NALCN: variants seen among roughly 807,000 people sequenced by gnomAD.
NALCN encodes sodium leak channel, non-selective, also known as sodium leak channel NALCN.
In NALCN, 111 loss-of-function variants were observed where a neutral mutation model predicts 225.3. The ratio of observed to expected loss-of-function variants is 0.49; its 90% confidence interval spans 0.42 to 0.58. NALCN has a LOEUF of 0.58. Among genes scored for constraint, NALCN ranks in the 20% least tolerant of loss-of-function variants. NALCN has a pLI of 0.00. For synonymous variants in NALCN, 764 were observed against 769.0 expected, an observed-to-expected ratio of 0.99 and a Z score of 0.11; for missense variants, 1,378 against 2,202.4, an observed-to-expected ratio of 0.63 and a Z score of 7.49.
intron 14 of NALCN, chr13:101,181,140 C>G (rs983653648): frequency 7.7e-6 from 4 of 518,832 alleles, no homozygotes; most frequent in Non-Finnish European, 1.5e-5. Context: ...GGATGCTCTC[C>G]CAAGCCACGC....
Position 101,122,244 on chromosome 13 carries a change from C to A in NALCN, c.2192+2364G>T, listed in dbSNP as rs564471882. The stretch of plus-strand genomic sequence containing the variant: ...GCATAGAAGCAATGAAGAAACCATT[C>A]GCACAGAAGAAAAAACAAAATGGCT... On this transcript the variant is annotated intron_variant, in intron 18 of 43. Transcript: ENST00000251127. 2.0e-5 allele frequency among the ~76,000 whole-genome samples: 3 copies of A among 152,184 alleles called. No individual in the cohort carries two copies. The East Asian group carries it at 5.8e-4, about 29-fold the overall frequency.
At chr13:101,171,622 G>A (rs1206976995) in intron 15 of NALCN, among the ~76,000 whole-genome samples, 2 of 152,072 alleles carry the variant, frequency 1.3e-5, no homozygotes, top group Admixed American at 6.6e-5. Context: ...GGCAATAGAG[G>A]AATTTCATAT....
chr13:101,247,435 A>G (rs2041930362), intron 11 of NALCN, among the ~76,000 whole-genome samples: 1 of 152,154 alleles, frequency 6.6e-6, no homozygotes, highest in Admixed American at 6.5e-5. Flanking sequence ...CAATATCCCT[A>G]AGAAAGTAGA....
chr13:101,088,521 G>T (rs542046697), intron 30 of NALCN, among the ~76,000 whole-genome samples: 1 of 152,272 alleles, frequency 6.6e-6, no homozygotes, highest in East Asian at 1.9e-4. Flanking sequence ...TTCTGGCCCT[G>T]TTTATCACAC....
chr13:101,276,193 G>C (rs1034843533), intron 10 of NALCN, among the ~76,000 whole-genome samples: 1 of 151,908 alleles, frequency 6.6e-6, no homozygotes, highest in African/African-American at 2.4e-5. Flanking sequence ...GGATGGGAGG[G>C]GGTTTTTCAG....
intron 7 of NALCN, among the ~76,000 whole-genome samples, chr13:101,311,362 T>G (rs2044338454): frequency 6.6e-6 from 1 of 151,770 alleles, no homozygotes; most frequent in Admixed American, 6.6e-5. Context: ...TTCCTTCTCC[T>G]GCCTAATTGC....
chr13:101,288,829 G>A (rs1406631151), intron 9 of NALCN, among the ~76,000 whole-genome samples: 4 of 152,218 alleles, frequency 2.6e-5, no homozygotes, highest in Non-Finnish European at 5.9e-5. Context: ...GTAGCCTTGT[G>A]TGGCTCTAAA....
chr13:101,244,174 C>CA (rs11453883), intron 11 of NALCN, among the ~76,000 whole-genome samples: 75,577 of 146,900 alleles, frequency 0.51, 19,436 homozygotes, highest in Non-Finnish European at 0.54. Flanking sequence ...ATTTTCATTC[C>CA]AAAAAAAAAG....
chr13:101,079,859 C>T (rs917170008), intron 34 of NALCN, among the ~76,000 whole-genome samples: 1 of 152,158 alleles, frequency 6.6e-6, no homozygotes, highest in African/African-American at 2.4e-5. Context: ...TCACTATGTT[C>T]ATGAGCACAG....
chr13:101,060,936 G>A (rs1331671700), intron 41 of NALCN, among the ~76,000 whole-genome samples: 1 of 152,198 alleles, frequency 6.6e-6, no homozygotes, highest in Non-Finnish European at 1.5e-5. Context: ...AGGTTGAGTT[G>A]TATCTTTTCT....
At chr13:101,343,269 T>C (rs1465345383) in intron 7 of NALCN, among the ~76,000 whole-genome samples, 3 of 152,190 alleles carry the variant, frequency 2.0e-5, no homozygotes, top group East Asian at 1.9e-4. Context: ...GTTTTGGTTA[T>C]GGTACAAGAT....
At chr13:101,212,512 A>C (rs866456987) in intron 13 of NALCN, among the ~76,000 whole-genome samples, 5 of 152,096 alleles carry the variant, frequency 3.3e-5, no homozygotes, top group African/African-American at 1.2e-4. Flanking sequence ...CAGTGAGTAC[A>C]TTTGTTCATG....
chr13:101,194,075 T>C (rs1372037091), intron 13 of NALCN, among the ~76,000 whole-genome samples: 1 of 152,182 alleles, frequency 6.6e-6, no homozygotes, highest in African/African-American at 2.4e-5. Flanking sequence ...AAGTGCACCT[T>C]TCAGCTGTCT....
chr13:101,237,987 A>G lies in NALCN; in HGVS notation c.1267-65T>C, dbSNP rs904125276. ...TATAATTTATTCTAAATTATTTCAC[A>G]TATTTGTCAGTGTATGAATTTTTGC... is the stretch of plus-strand genomic sequence containing the variant. On this transcript the variant is annotated intron_variant, in intron 11 of 43. Coordinates refer to ENST00000251127, the MANE Select transcript of NALCN (RefSeq NM_052867.4). 2.3e-5 allele frequency: 34 copies of G among 1,467,734 alleles called. No homozygotes were observed. In the South Asian group the frequency reaches 3.0e-4, roughly 13 times the overall value. The allele number at this position is 1,467,734 out of a possible 1,614,324, so 90.9% of individuals were successfully genotyped here.
At chr13:101,263,031 A>G (rs1335754652) in intron 10 of NALCN, among the ~76,000 whole-genome samples, 1 of 152,212 alleles carries the variant, frequency 6.6e-6, no homozygotes, top group Non-Finnish European at 1.5e-5. Flanking sequence ...GAAATTAATT[A>G]CCCGAGGTTG....
At chr13:101,162,665 T>G (rs1165643633) in intron 15 of NALCN, among the ~76,000 whole-genome samples, 1 of 152,254 alleles carries the variant, frequency 6.6e-6, no homozygotes. Context: ...AGTTTCCCAC[T>G]GCCTGTGACA....
In NALCN at chr13:101,229,604, C is replaced by T. The variant is rs555811623; in HGVS notation, c.1435-20G>A. On this transcript the variant is annotated intron_variant, in intron 12 of 43. Coordinates refer to ENST00000251127, the MANE Select transcript of NALCN (RefSeq NM_052867.4). ...GAGAACCTATCAAGGGAGAGAGAAACATTTATTTACACATATGATCATTTA... is the reference window on the plus strand; with the variant it reads ...GAGAACCTATCAAGGGAGAGAGAAATATTTATTTACACATATGATCATTTA... 7 of 1,518,344 alleles carry T rather than the reference C, an allele frequency of 4.6e-6. No homozygotes were observed. The highest frequency in any genetic ancestry group is 2.1e-5 in the Admixed American group (1 of 46,664). 94.1% of individuals were successfully genotyped at this position (1,518,344 alleles called of 1,614,324 possible).
At chr13:101,188,848 G>A (rs1347401449) in intron 14 of NALCN, among the ~76,000 whole-genome samples, 1 of 151,788 alleles carries the variant, frequency 6.6e-6, no homozygotes, top group African/African-American at 2.4e-5. Flanking sequence ...CACCATGCCT[G>A]GCTAATATTT....
At chr13:101,272,567 A>T (rs1484197072) in intron 10 of NALCN, among the ~76,000 whole-genome samples, 1 of 152,206 alleles carries the variant, frequency 6.6e-6, no homozygotes, top group East Asian at 1.9e-4. Context: ...TGAGGGCAGG[A>T]ATATGAAGAT....
Sources: allele counts gnomAD v4.1 joint callset (sites outside exome capture counted in the v4.1 genomes callset), GRCh38; gene constraint gnomAD v4.1.1; transcripts MANE v1.5; gene names NCBI Gene and HGNC (gene_info 2026-07-23, HGNC 2026-07-21).